IGF1R: variants seen among roughly 807,000 people sequenced by gnomAD.
IGF1R encodes insulin-like growth factor 1 receptor.
IGF1R carries 44 observed loss-of-function variants against 144.6 expected under a neutral mutation model. The ratio of observed to expected loss-of-function variants is 0.30; its 90% CI spans 0.24 to 0.39. IGF1R has a LOEUF of 0.39. Ranked by LOEUF, IGF1R falls within the 10% of genes least tolerant of loss-of-function variation. The probability of loss-of-function intolerance (pLI) is 1.00; values close to 1 mark genes in which losing one functional copy is unlikely to be tolerated. For missense variants in IGF1R, 1,355 were observed against 1,833.7 expected (o/e 0.74, Z 4.77); for synonymous variants, 795 against 722.8 (o/e 1.10, Z -1.60).
chr15:98,877,041 C>G (rs2013095178), intron 2 of IGF1R, among the ~76,000 whole-genome samples: 3 of 152,070 alleles, frequency 2.0e-5, no homozygotes, highest in African/African-American at 7.2e-5. Context: ...CAGAAAGTAA[C>G]CAGATCAAAG....
At position 98,958,287 on chromosome 15, in the gene IGF1R, C is replaced by T. The variant is rs1290802714; in HGVS notation, c.*845C>T. On this transcript the variant is annotated 3_prime_UTR_variant, in exon 21 of 21. Coordinates refer to ENST00000650285, the MANE Select transcript of IGF1R (RefSeq NM_000875.5). ...GTGGGGAGAAGCTGAACCGGCTTCCCTGCCCTGCCTCCCCAGCCCCCTGCC... is the reference window on the plus strand; with the variant it reads ...GTGGGGAGAAGCTGAACCGGCTTCCTTGCCCTGCCTCCCCAGCCCCCTGCC... 1.7e-5 allele frequency: 4 copies of T among 231,178 alleles called. No individual in the cohort carries two copies. The highest frequency in any genetic ancestry group is 3.4e-5 in the Non-Finnish European group (4 of 116,938). The allele number at this position is 231,178 out of a possible 1,614,324, so 14.3% of individuals were successfully genotyped here. A position where few individuals can be genotyped will look rare whatever the true frequency, so the allele number is the denominator to read the frequency against.
rs1234702275 is a variant in IGF1R at position 98,649,393 on chromosome 15, C to G, written c.-189C>G. 2 of 334,310 alleles carry G rather than the reference C, an allele frequency of 6.0e-6. No homozygotes were observed. Among genetic ancestry groups the G allele is most frequent in the Non-Finnish European group, 1.1e-5 (2 of 189,518 alleles). 20.7% of individuals were successfully genotyped at this position (334,310 alleles called of 1,614,324 possible). On this transcript the variant is annotated 5_prime_UTR_variant, in exon 1 of 21. Coordinates refer to ENST00000650285, the MANE Select transcript of IGF1R (RefSeq NM_000875.5). ...GAGGGGCCGCCCCGCGCCGCCCGCC[C>G]CGTCCGCGCACCCGGAGGGCCCCGG...
intron 2 of IGF1R, among the ~76,000 whole-genome samples, chr15:98,812,359 C>CT (rs34851483): frequency 0.058 from 8,092 of 140,076 alleles, 301 homozygotes; most frequent in Middle Eastern, 0.16. Flanking sequence ...CTTGAAAAAG[C>CT]TTTTTTTTTT....
intron 2 of IGF1R, among the ~76,000 whole-genome samples, chr15:98,878,913 T>C (rs1317554208): frequency 6.6e-6 from 1 of 152,016 alleles, no homozygotes; most frequent in Non-Finnish European, 1.5e-5. Context: ...GGAGAATTGC[T>C]TGAACCCGGG....
intron 2 of IGF1R, among the ~76,000 whole-genome samples, chr15:98,808,520 T>C (rs1479289553): frequency 6.6e-6 from 1 of 152,202 alleles, no homozygotes; most frequent in Non-Finnish European, 1.5e-5. Context: ...GTAAGTTTAA[T>C]ATATACATTC....
At chr15:98,803,751 C>G (rs1336531252) in intron 2 of IGF1R, among the ~76,000 whole-genome samples, 1 of 152,126 alleles carries the variant, frequency 6.6e-6, no homozygotes, top group Non-Finnish European at 1.5e-5. Context: ...AGTGATCCAC[C>G]CGCCTCGGCC....
intron 1 of IGF1R, 127 bp downstream of exon 1, chr15:98,649,802 G>T: frequency 1.4e-6 from 1 of 695,836 alleles, no homozygotes; most frequent in Non-Finnish European, 2.5e-6. Flanking sequence ...GCGGCGGGGT[G>T]GGGCGCAGGG....
chr15:98,649,925 C>T (rs937676988), intron 1 of IGF1R, among the ~76,000 whole-genome samples: 2 of 152,184 alleles, frequency 1.3e-5, no homozygotes, highest in African/African-American at 2.4e-5. Flanking sequence ...TTCTCTTTCT[C>T]CGTCCTGACA....
At chr15:98,697,983 C>G (rs1279519299) in intron 1 of IGF1R, among the ~76,000 whole-genome samples, 1 of 150,128 alleles carries the variant, frequency 6.7e-6, no homozygotes, top group African/African-American at 2.5e-5. Flanking sequence ...GATCCCCCTG[C>G]TTCGGCCTCC....
At chr15:98,941,215 A>G (rs573284380) in intron 18 of IGF1R, among the ~76,000 whole-genome samples, 1 of 152,290 alleles carries the variant, frequency 6.6e-6, no homozygotes, top group East Asian at 1.9e-4. Context: ...GGGTTATGAG[A>G]AGGACTTGGT....
chr15:98,860,106 G>A (rs912858616), intron 2 of IGF1R, among the ~76,000 whole-genome samples: 1 of 152,172 alleles, frequency 6.6e-6, no homozygotes, highest in African/African-American at 2.4e-5. Context: ...AGTAGAGACG[G>A]GGTTTCGCCA....
chr15:98,821,591 A>G (rs1003841687), intron 2 of IGF1R, among the ~76,000 whole-genome samples: 1 of 152,218 alleles, frequency 6.6e-6, no homozygotes, highest in Non-Finnish European at 1.5e-5. Context: ...ACTAAAATGC[A>G]TGTTTCGAGA....
chr15:98,872,827 T>C (rs993912651), intron 2 of IGF1R, among the ~76,000 whole-genome samples: 1 of 151,072 alleles, frequency 6.6e-6, no homozygotes, highest in Non-Finnish European at 1.5e-5. Context: ...AAACATTGAC[T>C]TTCCCTAAAA....
chr15:98,754,261 G>A (rs557467588), intron 2 of IGF1R, among the ~76,000 whole-genome samples: 1 of 152,208 alleles, frequency 6.6e-6, no homozygotes, highest in East Asian at 1.9e-4. Flanking sequence ...TCTCCCTGAT[G>A]TTTTCTTTCT....
chr15:98,896,666 A>C, intron 3 of IGF1R, 91 bp from the exon 4 acceptor site: 1 of 1,318,930 alleles, frequency 7.6e-7, no homozygotes, highest in Non-Finnish European at 1.1e-6. Flanking sequence ...ATGCTGTAAT[A>C]ACAATGAAAA....
intron 20 of IGF1R, among the ~76,000 whole-genome samples, chr15:98,956,310 G>A (rs918822708): frequency 2.0e-5 from 3 of 152,238 alleles, no homozygotes; most frequent in Admixed American, 1.3e-4. Context: ...TGTCCCTTGC[G>A]TGTGGAGGGG....
intron 2 of IGF1R, among the ~76,000 whole-genome samples, chr15:98,715,595 C>T (rs976564410): frequency 6.6e-6 from 1 of 152,186 alleles, no homozygotes; most frequent in African/African-American, 2.4e-5. Flanking sequence ...GTGGGGATGA[C>T]GTGGAGCGTG....
At chr15:98,671,260 A>G (rs1390168392) in intron 1 of IGF1R, among the ~76,000 whole-genome samples, 2 of 152,240 alleles carry the variant, frequency 1.3e-5, no homozygotes, top group African/African-American at 4.8e-5. Flanking sequence ...CCTGAAAACA[A>G]AAGTGACCAT....
chr15:98,949,468 T>C (rs2016688737), intron 20 of IGF1R, among the ~76,000 whole-genome samples: 1 of 148,684 alleles, frequency 6.7e-6, no homozygotes, highest in African/African-American at 2.5e-5. Flanking sequence ...AACCTCTGCC[T>C]CCCGGGTTCA....
Sources: allele counts gnomAD v4.1 joint callset (sites outside exome capture counted in the v4.1 genomes callset), GRCh38; gene constraint gnomAD v4.1.1; transcripts MANE v1.5; gene names NCBI Gene and HGNC (gene_info 2026-07-23, HGNC 2026-07-21).